The following RGS6 variants were observed in gnomAD, a reference collection of about 807,000 sequenced individuals.
The protein encoded by RGS6 is regulator of G protein signaling 6.
A neutral mutation model predicts 78.5 loss-of-function variants in RGS6; 30 were observed. The observed-to-expected ratio is 0.38, with a 90% CI of 0.29 to 0.52. The LOEUF (loss-of-function observed/expected upper bound fraction) is 0.52. Among genes scored for constraint, RGS6 ranks in the 20% least tolerant of loss-of-function variants. The pLI is 0.85. For missense variants in RGS6, 495 were observed against 609.7 expected (o/e 0.81, Z 1.98); for synonymous variants, 206 against 206.0 (o/e 1.00, Z 0.00).
chr14:71,982,157 C>T (rs996209081), intron 2 of RGS6, among the ~76,000 whole-genome samples: 7 of 152,182 alleles, frequency 4.6e-5, no homozygotes, highest in Admixed American at 1.3e-4. Context: ...GCGCATGGTG[C>T]GTGCACCCAC....
rs55943058 is a variant in RGS6, at chr14:72,363,999, T to TAAAAAAAAAAAAAA, written c.184+11819_184+11832dup. ...ACCATCACTTGTCAGTGGACAAGGC[T>TAAAAAAAAAAAAAA]AAAAAAAAAAAAAAAAAAAAAAAAA... On this transcript the variant is annotated intron_variant, in intron 3 of 17. Transcript: ENST00000553525. 1.9e-4 allele frequency among the ~76,000 whole-genome samples: 9 copies of TAAAAAAAAAAAAAA among 46,802 alleles called. 1 individual carries two copies. Among genetic ancestry groups the TAAAAAAAAAAAAAA allele is most frequent in the African/African-American group, 4.6e-4 (7 of 15,210 alleles). The allele number at this position is 46,802 out of a possible 152,430, so 30.7% of individuals were successfully genotyped here. A position where few individuals can be genotyped will look rare whatever the true frequency, so the allele number is the denominator to read the frequency against.
At chr14:72,454,212 G>C (rs1431907599) in intron 3 of RGS6, among the ~76,000 whole-genome samples, 1 of 152,174 alleles carries the variant, frequency 6.6e-6, no homozygotes, top group Non-Finnish European at 1.5e-5. Flanking sequence ...TTCAAGAAAT[G>C]GTCTGGGGGC....
intron 2 of RGS6, among the ~76,000 whole-genome samples, chr14:72,334,920 T>C (rs1359750009): frequency 6.6e-6 from 1 of 152,164 alleles, no homozygotes; most frequent in African/African-American, 2.4e-5. Flanking sequence ...GCCTCTGATA[T>C]GGTTTGGCTG....
At chr14:72,369,783 G>A (rs1199820813) in intron 3 of RGS6, among the ~76,000 whole-genome samples, 8 of 151,962 alleles carry the variant, frequency 5.3e-5, no homozygotes, top group African/African-American at 1.9e-4. Context: ...ATATCTTTTG[G>A]ATATCATAAC....
chr14:72,186,002 A>G (rs1222468397), intron 2 of RGS6, among the ~76,000 whole-genome samples: 1 of 152,254 alleles, frequency 6.6e-6, no homozygotes, highest in Non-Finnish European at 1.5e-5. Flanking sequence ...ATTGATCCTC[A>G]AAATAATCCT....
rs552269667 is a variant in RGS6, at chr14:72,144,539, G to A, written c.84+179664G>A. 3.9e-5 allele frequency among the ~76,000 whole-genome samples: 6 copies of A among 152,198 alleles called. No individual in the cohort carries two copies. In the South Asian group the frequency reaches 1.0e-3, roughly 26 times the overall value. ...GAGCCCTTTTGAATGATTTAAAATG[G>A]CATTCTCCATTTATTCGTATTTATC... is the stretch of plus-strand genomic sequence containing the variant. On this transcript the variant is annotated intron_variant, in intron 2 of 17. Coordinates refer to ENST00000553525, the MANE Select transcript of RGS6 (RefSeq NM_001204424.2).
At chr14:72,442,260 G>A (rs909707857) in intron 3 of RGS6, among the ~76,000 whole-genome samples, 4 of 152,002 alleles carry the variant, frequency 2.6e-5, no homozygotes, top group Non-Finnish European at 4.4e-5. Flanking sequence ...GTGAAACCCC[G>A]TTTGACCTGG....
chr14:72,417,573 G>A (rs1034483092), intron 3 of RGS6, among the ~76,000 whole-genome samples: 1 of 152,202 alleles, frequency 6.6e-6, no homozygotes, highest in Non-Finnish European at 1.5e-5. Flanking sequence ...TCACTGCTAG[G>A]AGGCAGTGTG....
the RGS6 span, among the ~76,000 whole-genome samples, chr14:72,608,895 TCTCC>T: frequency 6.6e-6 from 1 of 152,100 alleles, no homozygotes; most frequent in African/African-American, 2.4e-5. Flanking sequence ...TGTTTCTCTC[TCTCC>T]CTCTCTCTCT....
intron 3 of RGS6, among the ~76,000 whole-genome samples, chr14:72,385,143 T>G (rs192605494): frequency 1.3e-5 from 2 of 152,208 alleles, no homozygotes; most frequent in South Asian, 4.1e-4. Flanking sequence ...CCATGTCGTT[T>G]ATAGGATAAT....
At chr14:72,508,263 T>C (rs2096833910) in intron 13 of RGS6, among the ~76,000 whole-genome samples, 1 of 152,208 alleles carries the variant, frequency 6.6e-6, no homozygotes, top group Admixed American at 6.5e-5. Context: ...TTATGTGTGT[T>C]GGTGAAGAAG....
At chr14:72,502,934 T>G (rs1007444797) in intron 13 of RGS6, among the ~76,000 whole-genome samples, 1 of 152,218 alleles carries the variant, frequency 6.6e-6, no homozygotes, top group Non-Finnish European at 1.5e-5. Context: ...GGAATTGCCT[T>G]ATTTCGTAAT....
In RGS6 at chr14:72,383,201, T is replaced by TAC; in HGVS notation, c.184+31008_184+31009insCA. Among the ~76,000 whole-genome samples, 2 of 118,944 alleles carry TAC rather than the reference T, an allele frequency of 1.7e-5. 1 individual carries two copies. The highest frequency in any genetic ancestry group is 6.5e-5 in the African/African-American group (2 of 30,594). 78.0% of individuals were successfully genotyped at this position (118,944 alleles called of 152,430 possible). A position where few individuals can be genotyped will look rare whatever the true frequency, so the allele number is the denominator to read the frequency against. On this transcript the variant is annotated intron_variant, in intron 3 of 17. Coordinates refer to ENST00000553525, the MANE Select transcript of RGS6 (RefSeq NM_001204424.2). ...ACATATATATATATATATATATATA[T>TAC]ATATATATATATACACACAAACACA... is the stretch of plus-strand genomic sequence containing the variant.
chr14:72,243,981 G>T (rs2053579514), intron 2 of RGS6, among the ~76,000 whole-genome samples: 1 of 152,114 alleles, frequency 6.6e-6, no homozygotes, highest in Non-Finnish European at 1.5e-5. Flanking sequence ...ATTTTTGTTG[G>T]CCTGGATCAG....
At chr14:72,625,678 A>C in the RGS6 span, among the ~76,000 whole-genome samples, 4 of 152,216 alleles carry the variant, frequency 2.6e-5, no homozygotes, top group Non-Finnish European at 5.9e-5. Flanking sequence ...ACATGCATAC[A>C]TCTCTACTTA....
chr14:72,265,381 A>T (rs1198014735), intron 2 of RGS6, among the ~76,000 whole-genome samples: 1 of 152,112 alleles, frequency 6.6e-6, no homozygotes, highest in Non-Finnish European at 1.5e-5. Flanking sequence ...CCTGGCTCAG[A>T]CACAGGCCTG....
At chr14:72,109,941 C>T (rs543547762) in intron 2 of RGS6, among the ~76,000 whole-genome samples, 24 of 152,322 alleles carry the variant, frequency 1.6e-4, no homozygotes, top group African/African-American at 5.8e-4. Flanking sequence ...CAATCCAAGA[C>T]TTCTTCCACC....
At chr14:72,239,838 A>G (rs1247888411) in intron 2 of RGS6, among the ~76,000 whole-genome samples, 1 of 152,174 alleles carries the variant, frequency 6.6e-6, no homozygotes, top group Non-Finnish European at 1.5e-5. Flanking sequence ...ATATCCCTTT[A>G]TGCTAATTAA....
intron 2 of RGS6, among the ~76,000 whole-genome samples, chr14:72,245,281 A>G (rs574169218): frequency 2.2e-4 from 33 of 152,336 alleles, no homozygotes; most frequent in African/African-American, 7.2e-4. Context: ...ACCCAGCGGT[A>G]CTAGAGGAAT....
Sources: gnomAD v4.1 joint callset for allele counts (sites outside exome capture counted in the v4.1 genomes callset) on GRCh38, gnomAD v4.1.1 for gene constraint, MANE v1.5 for transcripts, NCBI Gene and HGNC (gene_info 2026-07-23, HGNC 2026-07-21) for gene names.